Variants in NTRK3 observed in about 807,000 individuals in gnomAD.
NTRK3 encodes the protein NT-3 growth factor receptor.
A neutral mutation model predicts 91.7 loss-of-function variants in NTRK3; 24 were observed. That is an observed-to-expected ratio of 0.26 (90% confidence interval 0.19 to 0.37). The LOEUF (loss-of-function observed/expected upper bound fraction) is 0.37, where lower values mean the gene tolerates loss of function less well. NTRK3 is among the 10% of genes least tolerant of loss of function. The pLI, the probability that NTRK3 is intolerant of heterozygous loss-of-function variation, is 1.00. For synonymous variants in NTRK3, 483 were observed against 404.0 expected, an observed-to-expected ratio of 1.20 and a Z score of -2.34; for missense variants, 880 against 1,068.9, an observed-to-expected ratio of 0.82 and a Z score of 2.46.
intron 3 of NTRK3, among the ~76,000 whole-genome samples, chr15:88,196,471 G>A (rs1243495538): frequency 1.3e-5 from 2 of 152,308 alleles, no homozygotes; most frequent in East Asian, 3.9e-4. Context: ...CAGGCCCCAG[G>A]GCCAGCTCCT....
chr15:88,228,362 C>T (rs559283481), intron 3 of NTRK3, among the ~76,000 whole-genome samples: 1 of 152,298 alleles, frequency 6.6e-6, no homozygotes, highest in Non-Finnish European at 1.5e-5. Context: ...TGGCTGTCTG[C>T]TACTTCCAAT....
intron 13 of NTRK3, among the ~76,000 whole-genome samples, chr15:88,043,223 G>A (rs2079829299): frequency 6.6e-6 from 1 of 152,172 alleles, no homozygotes; most frequent in Admixed American, 6.5e-5. Flanking sequence ...TCTTTGTACA[G>A]ACAGTATTTC....
intron 5 of NTRK3, among the ~76,000 whole-genome samples, chr15:88,163,939 G>A (rs1180133876): frequency 1.3e-5 from 2 of 152,126 alleles, no homozygotes; most frequent in African/African-American, 2.4e-5. Flanking sequence ...CAAAAGAGAG[G>A]AGCAAATGCT....
intron 3 of NTRK3, among the ~76,000 whole-genome samples, chr15:88,236,194 A>G (rs954514904): frequency 5.9e-5 from 9 of 152,246 alleles, no homozygotes; most frequent in African/African-American, 2.2e-4. Flanking sequence ...AGAAACAACC[A>G]AAAACAAGAG....
chr15:87,872,992 T>C, exon 19 of NTRK3: 1 of 233,136 alleles, frequency 4.3e-6, no homozygotes, highest in East Asian at 6.0e-5. Context: ...CCTGCCACTT[T>C]TCTACTTAAC....
chr15:87,984,162 G>A (rs1045115733), intron 14 of NTRK3, among the ~76,000 whole-genome samples: 1 of 152,212 alleles, frequency 6.6e-6, no homozygotes, highest in African/African-American at 2.4e-5. Context: ...CTAACCAAGG[G>A]TTGTGGAATA....
chr15:87,956,877 G>C (rs1480547507), intron 14 of NTRK3, among the ~76,000 whole-genome samples: 3 of 152,132 alleles, frequency 2.0e-5, no homozygotes, highest in Admixed American at 6.5e-5. Context: ...CTGTTTTTTA[G>C]GGCAGGGGTG....
At chr15:88,057,916 C>G (rs1323263243) in intron 13 of NTRK3, among the ~76,000 whole-genome samples, 1 of 152,218 alleles carries the variant, frequency 6.6e-6, no homozygotes, top group Non-Finnish European at 1.5e-5. Flanking sequence ...CTGGGAGATG[C>G]CTGCTGCCAG....
At chr15:88,214,887 C>T (rs940005650) in intron 3 of NTRK3, among the ~76,000 whole-genome samples, 5 of 152,154 alleles carry the variant, frequency 3.3e-5, no homozygotes, top group African/African-American at 1.2e-4. Context: ...ATCTTCATGC[C>T]CCAGTGCCTA....
intron 14 of NTRK3, among the ~76,000 whole-genome samples, chr15:87,961,684 T>C (rs2072308168): frequency 6.6e-6 from 1 of 152,258 alleles, no homozygotes; most frequent in Non-Finnish European, 1.5e-5. Flanking sequence ...TCCTGCTTTC[T>C]GAGCTGCAGC....
chr15:88,096,126 A>G (rs576020221), intron 13 of NTRK3, among the ~76,000 whole-genome samples: 2 of 152,298 alleles, frequency 1.3e-5, no homozygotes, highest in East Asian at 3.9e-4. Flanking sequence ...CAGAACAAAC[A>G]GAGGGAGGGA....
At chr15:88,195,982 T>G (rs2047780968) in intron 3 of NTRK3, among the ~76,000 whole-genome samples, 1 of 152,226 alleles carries the variant, frequency 6.6e-6, no homozygotes. Flanking sequence ...TATCACTTCT[T>G]TAATAACTAC....
At chr15:88,001,799 G>A (rs1201934115) in intron 14 of NTRK3, among the ~76,000 whole-genome samples, 1 of 151,962 alleles carries the variant, frequency 6.6e-6, no homozygotes, top group Non-Finnish European at 1.5e-5. Flanking sequence ...TTCTTTTTCA[G>A]GTTTGTTAGG....
At chr15:88,000,383 G>GT (rs906020920) in intron 14 of NTRK3, among the ~76,000 whole-genome samples, 14 of 152,092 alleles carry the variant, frequency 9.2e-5, no homozygotes, top group Non-Finnish European at 1.9e-4. Flanking sequence ...ACCAGGCAGG[G>GT]TTTTTTTCTC....
Position 88,233,118 on chromosome 15 carries a change from T to C in NTRK3, c.248+22788A>G, listed in dbSNP as rs2051354613. On this transcript the variant is annotated intron_variant, in intron 3 of 18. Transcript: ENST00000394480. The surrounding 1 kb of genome is among the most constrained non-coding windows in gnomAD (Gnocchi z 4.2). Reference sequence around the variant, plus strand: ...CCATTAAACTCACTGAATAAGTTAATGGGGCAGAGAGAATCTATTTCGGAG... The same window carrying C: ...CCATTAAACTCACTGAATAAGTTAACGGGGCAGAGAGAATCTATTTCGGAG... Among the ~76,000 whole-genome samples the C allele has an allele frequency of 6.6e-6, 1 of 152,198 alleles. No homozygotes were observed. Among genetic ancestry groups the C allele is most frequent in the Non-Finnish European group, 1.5e-5 (1 of 68,038 alleles).
intron 13 of NTRK3, among the ~76,000 whole-genome samples, chr15:88,065,996 C>A (rs111322305): frequency 6.6e-6 from 1 of 152,168 alleles, no homozygotes; most frequent in African/African-American, 2.4e-5. Context: ...CACATCTGGG[C>A]CTTATGACAT....
exon 8 of NTRK3, chr15:88,136,567 C>T (rs774739739): frequency 8.1e-6 from 13 of 1,613,618 alleles, no homozygotes; most frequent in East Asian, 2.2e-5. Context: ...GTCACCCTCT[C>T]GTACGGTCAG....
chr15:88,011,825 G>C lies in NTRK3; in HGVS notation c.1585+21032C>G, dbSNP rs1362854665. ...CGCCTGCCACTGGGGTGACCCAGTA[G>C]TGCAGAAGTGAATTTCTTCTGTAGT... is the stretch of plus-strand genomic sequence containing the variant. On this transcript the variant is annotated intron_variant, in intron 14 of 18. Transcript: ENST00000394480. 2.0e-5 allele frequency among the ~76,000 whole-genome samples: 3 copies of C among 152,348 alleles called. No homozygotes were observed. In the East Asian group the frequency reaches 5.8e-4, roughly 29 times the overall value.
At chr15:88,081,744 C>T (rs1282876076) in intron 13 of NTRK3, among the ~76,000 whole-genome samples, 1 of 152,196 alleles carries the variant, frequency 6.6e-6, no homozygotes, top group Non-Finnish European at 1.5e-5. Flanking sequence ...TGAGACAGGG[C>T]TGGTTCCCAT....
Sources: allele counts gnomAD v4.1 joint callset (sites outside exome capture counted in the v4.1 genomes callset), GRCh38; gene constraint gnomAD v4.1.1; non-coding constraint Gnocchi (gnomAD v3.1); transcripts MANE v1.5; gene names NCBI Gene and HGNC (gene_info 2026-07-23, HGNC 2026-07-21).